Variants in SMIM45 observed in about 807,000 individuals in gnomAD.
The protein encoded by SMIM45 is long intergenic non-protein coding RNA 634.
the SMIM45 span, among the ~76,000 whole-genome samples, chr22:41,957,186 T>TTA: frequency 8.7e-6 from 1 of 114,700 alleles, no homozygotes; most frequent in African/African-American, 4.7e-5. Flanking sequence ...GTGGTCTTTT[T>TTA]TTTTTTTTTT....
At chr22:41,947,291 G>A in the SMIM45 span, 1 of 584,750 alleles carries the variant, frequency 1.7e-6, no homozygotes. Flanking sequence ...ACAGGCCTTT[G>A]GTTCCACGCT....
the SMIM45 span, among the ~76,000 whole-genome samples, chr22:41,953,750 T>G: frequency 1.3e-5 from 1 of 74,396 alleles, no homozygotes; most frequent in East Asian, 2.4e-4. Context: ...GTTTTTTTTT[T>G]TTTTTTTTTT....
At chr22:41,958,301 C>T in the SMIM45 span, 4 of 456,730 alleles carry the variant, frequency 8.8e-6, no homozygotes, top group Non-Finnish European at 1.8e-5. Context: ...TCAATGGCAC[C>T]GGCCCTGCAA....
At chr22:41,955,745 G>A in the SMIM45 span, among the ~76,000 whole-genome samples, 1 of 149,444 alleles carries the variant, frequency 6.7e-6, no homozygotes, top group Non-Finnish European at 1.5e-5. Flanking sequence ...GGCGGAGCTT[G>A]CAGTGAGCCG....
the SMIM45 span, chr22:41,952,185 C>G: frequency 2.0e-5 from 3 of 152,534 alleles, no homozygotes; most frequent in Non-Finnish European, 4.4e-5. Context: ...GGGTGCTGAG[C>G]CAGTCCAGGA....
the SMIM45 span, chr22:41,958,547 T>C: frequency 2.8e-6 from 1 of 359,778 alleles, no homozygotes; most frequent in Non-Finnish European, 5.5e-6. Flanking sequence ...ATGAGATGTG[T>C]ATATGTGAGA....
chr22:41,947,840 GC>G, the SMIM45 span, among the ~76,000 whole-genome samples: 1 of 152,026 alleles, frequency 6.6e-6, no homozygotes, highest in African/African-American at 2.4e-5. Context: ...TGGCCATGTT[GC>G]CCAGGTGGGT....
chr22:41,948,151 C>T, the SMIM45 span, among the ~76,000 whole-genome samples: 1 of 152,156 alleles, frequency 6.6e-6, no homozygotes, highest in African/African-American at 2.4e-5. Flanking sequence ...TTCACTGTCT[C>T]TACATCTAAA....
At chr22:41,950,948 C>T in the SMIM45 span, among the ~76,000 whole-genome samples, 7 of 152,200 alleles carry the variant, frequency 4.6e-5, no homozygotes, top group Non-Finnish European at 7.3e-5. Context: ...GCCGAGATTG[C>T]GCCACTGCAC....
the SMIM45 span, among the ~76,000 whole-genome samples, chr22:41,947,835 A>G: frequency 6.6e-6 from 1 of 152,028 alleles, no homozygotes; most frequent in Non-Finnish European, 1.5e-5. Flanking sequence ...GGATCTGGCC[A>G]TGTTGCCCAG....
At chr22:41,953,275 G>C in the SMIM45 span, among the ~76,000 whole-genome samples, 1 of 152,048 alleles carries the variant, frequency 6.6e-6, no homozygotes, top group East Asian at 1.9e-4. Flanking sequence ...AGAGAGACAA[G>C]AGGAGCTGGA....
the SMIM45 span, chr22:41,958,452 A>C: frequency 2.2e-6 from 1 of 446,926 alleles, no homozygotes; most frequent in East Asian, 7.0e-5. Context: ...ATGCAGAGGG[A>C]TAAGACCGTG....
At chr22:41,955,920 G>C in the SMIM45 span, among the ~76,000 whole-genome samples, 1 of 151,940 alleles carries the variant, frequency 6.6e-6, no homozygotes, top group South Asian at 2.1e-4. Context: ...TTACTATGTA[G>C]CACTTGTTAT....
the SMIM45 span, among the ~76,000 whole-genome samples, chr22:41,956,956 T>C: frequency 6.6e-6 from 1 of 152,122 alleles, no homozygotes; most frequent in South Asian, 2.1e-4. Flanking sequence ...AATTTTTGTA[T>C]TTTTAGTAGA....
At chr22:41,958,048 G>A in the SMIM45 span, 1 of 277,304 alleles carries the variant, frequency 3.6e-6, no homozygotes, top group Non-Finnish European at 7.2e-6. Flanking sequence ...AGAGGCCCCA[G>A]GTGCGCTGGC....
chr22:41,946,986 A>G, the SMIM45 span: 1 of 1,610,426 alleles, frequency 6.2e-7, no homozygotes, highest in South Asian at 1.1e-5. Flanking sequence ...CAGGAGGAAA[A>G]ACCGGCGGGG....
chr22:41,958,371 T>C, the SMIM45 span: 2 of 456,594 alleles, frequency 4.4e-6, no homozygotes, highest in South Asian at 3.1e-5. Context: ...TGGAGGGATG[T>C]CAGCTTGGGC....
the SMIM45 span, among the ~76,000 whole-genome samples, chr22:41,949,288 A>G: frequency 6.6e-6 from 1 of 151,890 alleles, no homozygotes; most frequent in African/African-American, 2.4e-5. Flanking sequence ...CTGGCAGAAG[A>G]GATGGATGGG....
the SMIM45 span, chr22:41,947,165 C>CA: frequency 1.5e-5 from 19 of 1,275,944 alleles, no homozygotes; most frequent in Non-Finnish European, 2.1e-5. Flanking sequence ...GGCCTGGGGG[C>CA]ACGTGCCTCC....
Sources: gnomAD v4.1 joint callset for allele counts (sites outside exome capture counted in the v4.1 genomes callset) on GRCh38, gnomAD v4.1.1 for gene constraint, MANE v1.5 for transcripts, NCBI Gene and HGNC (gene_info 2026-07-23, HGNC 2026-07-21) for gene names.